Variants in EXPH5 observed in about 807,000 individuals in gnomAD.
EXPH5 encodes exophilin-5.
Under a neutral mutation model 41.1 loss-of-function variants are expected in EXPH5, and 42 were observed. The ratio of observed to expected loss-of-function variants is 1.02; its 90% CI spans 0.80 to 1.32. EXPH5 has a LOEUF of 1.32. EXPH5 is among the 40% of genes most tolerant of loss of function. The pLI is 0.00. For missense variants in EXPH5, 2,298 were observed against 2,314.5 expected, an observed-to-expected ratio of 0.99 and a Z score of 0.15; for synonymous variants, 798 against 833.5, an observed-to-expected ratio of 0.96 and a Z score of 0.73.
chr11:108,549,343 C>T (rs1312414255), intron 1 of EXPH5, among the ~76,000 whole-genome samples: 2 of 152,212 alleles, frequency 1.3e-5, no homozygotes, highest in East Asian at 3.9e-4. Context: ...CCTTGGATTT[C>T]ATCCTAGCAC....
At chr11:108,570,314 G>C (rs1273836327) in intron 1 of EXPH5, among the ~76,000 whole-genome samples, 1 of 151,994 alleles carries the variant, frequency 6.6e-6, no homozygotes, top group Non-Finnish European at 1.5e-5. Flanking sequence ...GAGTGCAGTG[G>C]TACAATCTTG....
chr11:108,555,264 A>C (rs1041166634), intron 1 of EXPH5, among the ~76,000 whole-genome samples: 1 of 152,236 alleles, frequency 6.6e-6, no homozygotes, highest in Admixed American at 6.5e-5. Flanking sequence ...ATGTCTAAAA[A>C]CACATACTAT....
At position 108,513,604 on chromosome 11, in the gene EXPH5, A is replaced by C. The variant is rs1565778791; in HGVS notation, c.1903T>G (p.Ser635Ala). Residue 635 changes from serine (S) to alanine (A), a missense_variant, in exon 6 of 6, where the codon TCT becomes GCT. Ser to Ala is a moderately conservative substitution (Grantham distance 99). Transcript: ENST00000265843. ...SSFKTSFSQI[S>A]DDRRNPQSPN... Reference sequence around the variant, plus strand: ...CTCTGAGGATTCCTTCTGTCATCAGAAATCTGGGAAAAGGAAGTTTTGAAT... The same window carrying C: ...CTCTGAGGATTCCTTCTGTCATCAGCAATCTGGGAAAAGGAAGTTTTGAAT... The C allele has an allele frequency of 1.2e-6, 2 of 1,613,310 alleles. No individual in the cohort carries two copies. Among genetic ancestry groups the C allele is most frequent in the Admixed American group, 3.3e-5 (2 of 59,826 alleles).
At chr11:108,590,891 G>A (rs763585921) in intron 1 of EXPH5, among the ~76,000 whole-genome samples, 1 of 152,168 alleles carries the variant, frequency 6.6e-6, no homozygotes, top group African/African-American at 2.4e-5. Flanking sequence ...GGCCTCAAGC[G>A]ATCCTTTTGC....
At chr11:108,532,354 ATATATATATATATTTTTTT>A (rs1469411798) in intron 3 of EXPH5, among the ~76,000 whole-genome samples, 2 of 23,004 alleles carry the variant, frequency 8.7e-5, no homozygotes, top group South Asian at 2.3e-3. Context: ...ATATATATAT[ATATATATATATATTTTTTT>A]TTTTTTTTTT....
At chr11:108,599,412 T>G in the EXPH5 span, among the ~76,000 whole-genome samples, 1 of 152,224 alleles carries the variant, frequency 6.6e-6, no homozygotes, top group Non-Finnish European at 1.5e-5. Context: ...TGTATATACA[T>G]ATATACAAAT....
At chr11:108,522,641 T>A (rs1222227225) in intron 4 of EXPH5, among the ~76,000 whole-genome samples, 1 of 152,152 alleles carries the variant, frequency 6.6e-6, no homozygotes, top group Admixed American at 6.5e-5. Flanking sequence ...ACACAGGTCA[T>A]AGAGCTTCTG....
chr11:108,605,716 A>G, the EXPH5 span, among the ~76,000 whole-genome samples: 2 of 152,206 alleles, frequency 1.3e-5, no homozygotes, highest in Admixed American at 1.3e-4. Context: ...AAAGCTACTC[A>G]GTTTCTCTGA....
At chr11:108,516,976 C>A (rs2093730698) in intron 5 of EXPH5, among the ~76,000 whole-genome samples, 1 of 151,920 alleles carries the variant, frequency 6.6e-6, no homozygotes, top group African/African-American at 2.4e-5. Context: ...TCTTTGATAC[C>A]CATTCTCCCT....
chr11:108,550,081 C>T (rs2040496472), intron 1 of EXPH5, among the ~76,000 whole-genome samples: 1 of 152,208 alleles, frequency 6.6e-6, no homozygotes, highest in African/African-American at 2.4e-5. Flanking sequence ...AGGACAACTA[C>T]TGTTAAGAGG....
rs541968107 is a variant in EXPH5, at chr11:108,512,027, G to T, written c.3480C>A (p.Ile1160=). 6.3e-7 allele frequency: 1 copy of T among 1,594,366 alleles called. No individual in the cohort carries two copies. Among genetic ancestry groups the T allele is most frequent in the Admixed American group, 1.8e-5 (1 of 55,278 alleles). The change falls in exon 6 of 6, where the codon ATC becomes ATA. Residue 1160 remains isoleucine, a synonymous_variant. Coordinates refer to ENST00000265843, the MANE Select transcript of EXPH5 (RefSeq NM_015065.3). ...ATGAGTCACTTTCCACAGGGCTAATGATTCTCTCCCAAGCCCTTGGTGTTA... is the reference window on the plus strand; with the variant it reads ...ATGAGTCACTTTCCACAGGGCTAATTATTCTCTCCCAAGCCCTTGGTGTTA... ...SELTPRAWER[I]ISPVESDSSV... is the part of the protein sequence containing the mutation.
At chr11:108,535,985 G>C (rs962134260) in intron 3 of EXPH5, among the ~76,000 whole-genome samples, 1 of 152,100 alleles carries the variant, frequency 6.6e-6, no homozygotes, top group Non-Finnish European at 1.5e-5. Context: ...CTATGTTAGG[G>C]GCTGAGCACA....
chr11:108,509,548 ACT>A lies in EXPH5; in HGVS notation c.5957_5958del (p.Glu1986ValfsTer9), dbSNP rs1565763919. Reference protein sequence around the residue: ...DEYYLDENDKESEL With the variant: ...DEYYLDENDKXSEL Reference sequence around the variant, plus strand: ...TTATTGAAAAAGCCTCACAGTTCTGACTCTTTGTCATTTTCATCCAGGTAGTA... The same window carrying A: ...TTATTGAAAAAGCCTCACAGTTCTGACTTTGTCATTTTCATCCAGGTAGTA... On this transcript the variant is annotated frameshift_variant, in exon 6 of 6. Transcript: ENST00000265843. LOFTEE classifies it high-confidence loss of function. 7 of 1,552,776 alleles carry A rather than the reference ACT, an allele frequency of 4.5e-6. No individual in the cohort carries two copies. Among genetic ancestry groups the A allele is most frequent in the Non-Finnish European group, 6.1e-6 (7 of 1,156,770 alleles).
intron 1 of EXPH5, among the ~76,000 whole-genome samples, chr11:108,570,256 T>G (rs1028139430): frequency 1.3e-4 from 17 of 132,340 alleles, no homozygotes. Flanking sequence ...ATAAAAAAAA[T>G]TATTTTTTAT....
the EXPH5 span, among the ~76,000 whole-genome samples, chr11:108,601,296 T>C: frequency 6.6e-6 from 1 of 152,268 alleles, no homozygotes; most frequent in African/African-American, 2.4e-5. Context: ...GACATTCTTC[T>C]GGTTAAGTTG....
At chr11:108,550,080 A>C (rs2093956380) in intron 1 of EXPH5, among the ~76,000 whole-genome samples, 1 of 152,222 alleles carries the variant, frequency 6.6e-6, no homozygotes, top group Non-Finnish European at 1.5e-5. Context: ...CAGGACAACT[A>C]CTGTTAAGAG....
chr11:108,552,082 G>A (rs1196022486), intron 1 of EXPH5: 2 of 152,038 alleles, frequency 1.3e-5, no homozygotes, highest in Non-Finnish European at 2.9e-5. Context: ...CCAGGTAATA[G>A]GTTTCTTATC....
At chr11:108,562,749 G>T (rs2094018589) in intron 1 of EXPH5, among the ~76,000 whole-genome samples, 2 of 152,216 alleles carry the variant, frequency 1.3e-5, no homozygotes, top group Non-Finnish European at 2.9e-5. Context: ...GATCAAGTGA[G>T]CCCAGGAGTT....
chr11:108,598,874 T>C, the EXPH5 span, among the ~76,000 whole-genome samples: 5 of 152,328 alleles, frequency 3.3e-5, no homozygotes, highest in Admixed American at 3.3e-4. Flanking sequence ...GGACGTGGGC[T>C]TGGAGTCAGT....
Sources: allele counts gnomAD v4.1 joint callset (sites outside exome capture counted in the v4.1 genomes callset), GRCh38; gene constraint gnomAD v4.1.1; transcripts MANE v1.5; gene names NCBI Gene and HGNC (gene_info 2026-07-23, HGNC 2026-07-21).